TLN2: variants seen among roughly 807,000 people sequenced by gnomAD.
The protein encoded by TLN2 is talin-2.
Under a neutral mutation model 294.7 loss-of-function variants are expected in TLN2, and 118 were observed. The ratio of observed to expected loss-of-function variants is 0.40; its 90% CI spans 0.34 to 0.47. TLN2 has a LOEUF of 0.47. TLN2 is among the 20% of genes least tolerant of loss of function. The pLI, the probability that TLN2 is intolerant of heterozygous loss-of-function variation, is 0.84. For missense variants in TLN2, 3,083 were observed against 3,282.2 expected, an observed-to-expected ratio of 0.94 and a Z score of 1.48; for synonymous variants, 1,431 against 1,304.5, an observed-to-expected ratio of 1.10 and a Z score of -2.09.
chr15:62,455,330 G>A (rs1202805574), intron 1 of TLN2, among the ~76,000 whole-genome samples: 2 of 152,170 alleles, frequency 1.3e-5, no homozygotes, highest in Admixed American at 6.5e-5. Context: ...CTTCAGCCGC[G>A]CCTTCAGCAA....
intron 1 of TLN2, among the ~76,000 whole-genome samples, chr15:62,402,371 G>T (rs1465569479): frequency 6.6e-6 from 1 of 152,092 alleles, no homozygotes; most frequent in East Asian, 1.9e-4. Context: ...TTGTCTTATT[G>T]CCTCTAGTAC....
chr15:62,714,209 CTTTTTTTTTTT>C (rs1567434096), intron 22 of TLN2, among the ~76,000 whole-genome samples: 27 of 62,290 alleles, frequency 4.3e-4, no homozygotes, highest in Non-Finnish European at 7.7e-4. Flanking sequence ...TTTTTTTTTT[CTTTTTTTTTTT>C]GAGACAGAGT....
chr15:62,497,599 A>G (rs1012011920), intron 1 of TLN2, among the ~76,000 whole-genome samples: 5 of 152,138 alleles, frequency 3.3e-5, no homozygotes, highest in Admixed American at 3.3e-4. Flanking sequence ...CTCTTTCCTA[A>G]AGTTGTGGCC....
At chr15:62,784,155 G>A in intron 45 of TLN2, 1 of 468,464 alleles carries the variant, frequency 2.1e-6, no homozygotes, top group Non-Finnish European at 3.7e-6. Flanking sequence ...TGTTCTATCA[G>A]GTCCCCTGTC....
chr15:62,702,122 G>T lies in TLN2; in HGVS notation c.1827G>T (p.Glu609Asp), dbSNP rs1404874228. The T allele has an allele frequency of 1.2e-6, 2 of 1,614,058 alleles. No individual in the cohort carries two copies. The highest frequency in any genetic ancestry group is 1.7e-6 in the Non-Finnish European group (2 of 1,180,002). ...TGGATGATGAGGTGGGCAGCGGGGA[G>T]GACTTGCTCAGAGCTGCCAGGACCC... ...ALMDDEVGSG[E>D]DLLRAARTLA... is the part of the protein sequence containing the mutation. The change falls in exon 18 of 59, where the codon GAG (glutamate) becomes GAT (aspartate). Residue 609 changes from glutamate to aspartate, a missense_variant. Transcript: ENST00000636159.
At chr15:62,615,972 G>A (rs182772273) in intron 2 of TLN2, among the ~76,000 whole-genome samples, 19 of 152,006 alleles carry the variant, frequency 1.2e-4, no homozygotes, top group Non-Finnish European at 2.1e-4. Context: ...TTTCCTCGCC[G>A]TTTGTATTTG....
In TLN2 at chr15:62,491,326, CAAAA is replaced by C. The variant is rs775626928; in HGVS notation, c.-237-98352_-237-98349del. ...TGAGTGACAGAGCAAGACTCTGTCTCAAAAAAAAAAAATATATATATATATACAC... is the reference window on the plus strand; with the variant it reads ...TGAGTGACAGAGCAAGACTCTGTCTCAAAAAAAATATATATATATATACAC... On this transcript the variant is annotated intron_variant, in intron 1 of 58. Coordinates refer to ENST00000636159, the MANE Select transcript of TLN2 (RefSeq NM_015059.3). Among the ~76,000 whole-genome samples, 437 of 98,980 alleles carry C rather than the reference CAAAA, an allele frequency of 4.4e-3. 3 individuals carry two copies. Among genetic ancestry groups the C allele is most frequent in the African/African-American group, 0.014 (399 of 28,586 alleles). The allele number at this position is 98,980 out of a possible 152,430, so 64.9% of individuals were successfully genotyped here.
At chr15:62,416,246 C>G (rs1178937018) in intron 1 of TLN2, among the ~76,000 whole-genome samples, 1 of 152,198 alleles carries the variant, frequency 6.6e-6, no homozygotes, top group Non-Finnish European at 1.5e-5. Context: ...CTGCATTGAG[C>G]TGTGATCACC....
intron 2 of TLN2, among the ~76,000 whole-genome samples, chr15:62,603,841 C>G (rs183638763): frequency 2.5e-4 from 38 of 152,296 alleles, no homozygotes; most frequent in Admixed American, 2.2e-3. Flanking sequence ...TTTTGATGAC[C>G]TGTATTGCTA....
At chr15:62,597,365 T>G (rs1169624156) in intron 2 of TLN2, among the ~76,000 whole-genome samples, 1 of 152,220 alleles carries the variant, frequency 6.6e-6, no homozygotes, top group Non-Finnish European at 1.5e-5. Context: ...AACCTAGTTG[T>G]AGAGTGGGAT....
intron 3 of TLN2, among the ~76,000 whole-genome samples, chr15:62,621,892 A>G (rs1252107193): frequency 6.6e-6 from 1 of 152,220 alleles, no homozygotes; most frequent in Non-Finnish European, 1.5e-5. Flanking sequence ...GGTCCTCCCA[A>G]CACAGATGGC....
chr15:62,823,493 C>G (rs542131730), intron 54 of TLN2, among the ~76,000 whole-genome samples: 1 of 152,220 alleles, frequency 6.6e-6, no homozygotes, highest in East Asian at 1.9e-4. Flanking sequence ...ATAACCCTAC[C>G]CTGGTACACA....
At position 62,555,659 on chromosome 15, in the gene TLN2, C is replaced by A. The variant is rs745914888; in HGVS notation, c.-237-34028C>A. Among the ~76,000 whole-genome samples, 31 of 152,260 alleles carry A rather than the reference C, an allele frequency of 2.0e-4. No homozygotes were observed. In the Middle Eastern group the frequency reaches 0.01, roughly 50 times the overall value. ...CTGTCTAGTCTACCTAGGATTTGTTCTTGTGTATGATAGCAGTAGAGCTGC... is the reference window on the plus strand; with the variant it reads ...CTGTCTAGTCTACCTAGGATTTGTTATTGTGTATGATAGCAGTAGAGCTGC... On this transcript the variant is annotated intron_variant, in intron 1 of 58. Transcript: ENST00000636159.
At chr15:62,813,823 T>G (rs997994089) in intron 52 of TLN2, among the ~76,000 whole-genome samples, 4 of 152,150 alleles carry the variant, frequency 2.6e-5, no homozygotes, top group African/African-American at 7.2e-5. Flanking sequence ...TGGGCTTTTT[T>G]TTTTTTTGGA....
chr15:62,652,072 C>T lies in TLN2; in HGVS notation c.302C>T (p.Thr101Ile), dbSNP rs763694441. 1.2e-6 allele frequency: 2 copies of T among 1,611,992 alleles called. No individual in the cohort carries two copies. The highest frequency in any genetic ancestry group is 1.1e-5 in the South Asian group (1 of 90,584). The change falls in exon 6 of 59, where the codon ACA becomes ATA. Residue 101 changes from threonine to isoleucine, a missense_variant. Transcript: ENST00000636159. ...KIRMLDGSVK[T>I]VMVDDSKTVG... The stretch of plus-strand genomic sequence containing the variant: ...CGGATGCTGGATGGATCTGTGAAGA[C>T]AGTGATGGTGGATGATTCCAAGACT...
At chr15:62,432,725 T>C (rs1483750372) in intron 1 of TLN2, among the ~76,000 whole-genome samples, 1 of 152,200 alleles carries the variant, frequency 6.6e-6, no homozygotes, top group Non-Finnish European at 1.5e-5. Context: ...CTTGGCAATA[T>C]ACTAGGAGTT....
At chr15:62,517,629 A>T (rs185628840) in intron 1 of TLN2, among the ~76,000 whole-genome samples, 49 of 152,056 alleles carry the variant, frequency 3.2e-4, no homozygotes, top group African/African-American at 1.1e-3. Context: ...GAGAATGAGG[A>T]CTCTACTTAC....
chr15:62,638,941 G>C (rs2050693660), intron 3 of TLN2, among the ~76,000 whole-genome samples: 1 of 152,160 alleles, frequency 6.6e-6, no homozygotes, highest in Admixed American at 6.5e-5. Context: ...GGAGCGGGCT[G>C]TTGTTGAGTA....
chr15:62,596,212 C>CT (rs2046494879), intron 2 of TLN2, among the ~76,000 whole-genome samples: 1 of 146,928 alleles, frequency 6.8e-6, no homozygotes, highest in Non-Finnish European at 1.5e-5. Context: ...TTGCAGTGAG[C>CT]CGAGATTGCG....
Sources: gnomAD v4.1 joint callset for allele counts (sites outside exome capture counted in the v4.1 genomes callset) on GRCh38, gnomAD v4.1.1 for gene constraint, MANE v1.5 for transcripts, NCBI Gene and HGNC (gene_info 2026-07-23, HGNC 2026-07-21) for gene names.